Variants in EYA1 observed in about 807,000 individuals in gnomAD.
The protein encoded by EYA1 is EYA transcriptional coactivator and phosphatase 1.
Under a neutral mutation model 82.0 loss-of-function variants are expected in EYA1, and 16 were observed. The ratio of observed to expected loss-of-function variants is 0.20; its 90% CI spans 0.13 to 0.30. EYA1 has a LOEUF of 0.30. Ranked by LOEUF, EYA1 falls within the 10% of genes least tolerant of loss-of-function variation. The pLI is 1.00. For synonymous variants in EYA1, 261 were observed against 264.4 expected (o/e 0.99, Z 0.12); for missense variants, 633 against 730.7 (o/e 0.87, Z 1.54).
chr8:71,474,934 C>A (rs1219498401), intron 2 of EYA1, among the ~76,000 whole-genome samples: 1 of 152,052 alleles, frequency 6.6e-6, no homozygotes, highest in Non-Finnish European at 1.5e-5. Flanking sequence ...GAGTTCGAGA[C>A]CAGCCTGACC....
At position 71,285,327 on chromosome 8, in the gene EYA1, A is replaced by G. The variant is rs146257276; in HGVS notation, c.827-13430T>C. Among the ~76,000 whole-genome samples the G allele has an allele frequency of 3.3e-5, 5 of 151,960 alleles. No individual in the cohort carries two copies. In the East Asian group the frequency reaches 9.7e-4, roughly 29 times the overall value. On this transcript the variant is annotated intron_variant, in intron 9 of 17. Transcript: ENST00000340726. ...GGGAAACATATACTTTAAGAAAAAC[A>G]CTAAATGAGAAACTAGAAAGGAGAG...
chr8:71,395,408 G>C (rs546802695), intron 2 of EYA1, among the ~76,000 whole-genome samples: 19 of 152,278 alleles, frequency 1.2e-4, no homozygotes, highest in Admixed American at 2.0e-4. Context: ...TGCCCATTCA[G>C]TATGATATTG....
chr8:71,476,296 C>T (rs1809655168), intron 2 of EYA1, among the ~76,000 whole-genome samples: 1 of 152,132 alleles, frequency 6.6e-6, no homozygotes, highest in African/African-American at 2.4e-5. Context: ...TCACCACCTT[C>T]CTGTGGCCCA....
At chr8:71,476,795 T>C (rs930157041) in intron 2 of EYA1, among the ~76,000 whole-genome samples, 10 of 152,076 alleles carry the variant, frequency 6.6e-5, no homozygotes, top group African/African-American at 2.4e-4. Context: ...AGAACAAAGT[T>C]GGAAGACTCA....
chr8:71,513,004 G>A (rs1812710803), intron 2 of EYA1, among the ~76,000 whole-genome samples: 1 of 152,152 alleles, frequency 6.6e-6, no homozygotes, highest in African/African-American at 2.4e-5. Flanking sequence ...ATTCTCCGCA[G>A]TAGCATGCAA....
chr8:71,238,051 T>C (rs1812056773), intron 12 of EYA1, among the ~76,000 whole-genome samples: 1 of 152,176 alleles, frequency 6.6e-6, no homozygotes, highest in African/African-American at 2.4e-5. Context: ...TCAATACTTA[T>C]TTCCAAATGG....
chr8:71,386,717 G>A (rs1268205637), intron 2 of EYA1, among the ~76,000 whole-genome samples: 4 of 152,278 alleles, frequency 2.6e-5, no homozygotes, highest in South Asian at 4.1e-4. Context: ...TGATATAAAC[G>A]TAATTAGAAT....
chr8:71,256,538 G>C (rs1052527384), intron 11 of EYA1, among the ~76,000 whole-genome samples: 12 of 152,228 alleles, frequency 7.9e-5, no homozygotes, highest in Admixed American at 5.2e-4. Context: ...CCAGGAATTG[G>C]GGGGAGGGGA....
chr8:71,481,886 T>G lies in EYA1; in HGVS notation c.33+53858A>C, dbSNP rs567037393. ...GGGGCAAGAGGAGAAACAAAATATTTTAGTGGTTGATTTATTCTGATGCCC... is the reference window on the plus strand; with the variant it reads ...GGGGCAAGAGGAGAAACAAAATATTGTAGTGGTTGATTTATTCTGATGCCC... On this transcript the variant is annotated intron_variant, in intron 2 of 18. Transcript: ENST00000643681. Among the ~76,000 whole-genome samples the G allele has an allele frequency of 2.6e-5, 4 of 152,042 alleles. No individual in the cohort carries two copies. In the South Asian group the frequency reaches 8.3e-4, roughly 32 times the overall value.
chr8:71,504,260 G>C (rs1329045780), intron 2 of EYA1, among the ~76,000 whole-genome samples: 1 of 152,052 alleles, frequency 6.6e-6, no homozygotes, highest in Non-Finnish European at 1.5e-5. Flanking sequence ...GAAATACTTG[G>C]TGGTGCACAG....
intron 2 of EYA1, among the ~76,000 whole-genome samples, chr8:71,509,395 AT>A (rs777721369): frequency 6.6e-6 from 1 of 152,138 alleles, no homozygotes; most frequent in Non-Finnish European, 1.5e-5. Flanking sequence ...TAAATTATTT[AT>A]TTTAGGAACT....
chr8:71,429,261 C>T (rs1805460662), intron 2 of EYA1, among the ~76,000 whole-genome samples: 1 of 152,054 alleles, frequency 6.6e-6, no homozygotes, highest in South Asian at 2.1e-4. Context: ...TAGTGCAGAC[C>T]TATCAGATTT....
chr8:71,434,518 A>G (rs982037441), intron 2 of EYA1, among the ~76,000 whole-genome samples: 1 of 152,182 alleles, frequency 6.6e-6, no homozygotes, highest in African/African-American at 2.4e-5. Flanking sequence ...AACAAGAAAA[A>G]TAACAGACTT....
At chr8:71,414,351 C>G (rs1348686821) in intron 2 of EYA1, among the ~76,000 whole-genome samples, 1 of 152,218 alleles carries the variant, frequency 6.6e-6, no homozygotes, top group African/African-American at 2.4e-5. Context: ...ACAGTATCCA[C>G]TACAGGAGGT....
chr8:71,376,704 C>G (rs1255964278), intron 2 of EYA1, among the ~76,000 whole-genome samples: 2 of 152,126 alleles, frequency 1.3e-5, no homozygotes, highest in Non-Finnish European at 2.9e-5. Context: ...TGCAGTCTCT[C>G]CGCGTAAACA....
intron 11 of EYA1, among the ~76,000 whole-genome samples, chr8:71,252,934 A>G (rs770435012): frequency 3.3e-5 from 5 of 152,180 alleles, no homozygotes; most frequent in Non-Finnish European, 5.9e-5. Flanking sequence ...ACTGGGGGGA[A>G]TAGGTCTTGG....
chr8:71,404,249 T>A (rs1257681783), intron 2 of EYA1: 1 of 152,210 alleles, frequency 6.6e-6, no homozygotes, highest in Non-Finnish European at 1.5e-5. Flanking sequence ...CATATCATAG[T>A]CATTGAAAAG....
chr8:71,400,231 C>T lies in EYA1; in HGVS notation c.34-43720G>A, dbSNP rs200943171. 7.2e-5 allele frequency among the ~76,000 whole-genome samples: 11 copies of T among 152,218 alleles called. No individual in the cohort carries two copies. The East Asian group carries it at 1.4e-3, about 19-fold the overall frequency. ...TAGGCAATACTATTCAGCACATAGG[C>T]GCAGGCAAAGATTTCATGATGAAAA... On this transcript the variant is annotated intron_variant, in intron 2 of 18. Coordinates refer to the EYA1 transcript ENST00000643681.
rs372291036 is a variant in EYA1, at chr8:71,544,360, A to G, written c.-73+3504T>C. Among the ~76,000 whole-genome samples, 82 of 152,312 alleles carry G rather than the reference A, an allele frequency of 5.4e-4. 1 individual carries two copies. The highest frequency in any genetic ancestry group is 3.5e-3 in the South Asian group (17 of 4,830). On this transcript the variant is annotated intron_variant, in intron 1 of 18. Transcript: ENST00000643681. Reference sequence around the variant, plus strand: ...CCGAAACATCCTTGGCAGATAGCCAATCTGCTTCTGCATGAATACTTCTGG... The same window carrying G: ...CCGAAACATCCTTGGCAGATAGCCAGTCTGCTTCTGCATGAATACTTCTGG...
Sources: gnomAD v4.1 joint callset for allele counts (sites outside exome capture counted in the v4.1 genomes callset) on GRCh38, gnomAD v4.1.1 for gene constraint, MANE v1.5 for transcripts, NCBI Gene and HGNC (gene_info 2026-07-23, HGNC 2026-07-21) for gene names.